FAM135B: variants seen among roughly 807,000 people sequenced by gnomAD.
FAM135B encodes the protein protein FAM135B.
A neutral mutation model predicts 127.7 loss-of-function variants in FAM135B; 43 were observed. That is an observed-to-expected ratio of 0.34 (90% CI 0.26 to 0.43). The LOEUF is 0.43. FAM135B is among the 20% of genes least tolerant of loss of function. The probability of loss-of-function intolerance (pLI) is 1.00; values close to 1 mark genes in which losing one functional copy is unlikely to be tolerated. For missense variants in FAM135B, 1,558 were observed against 1,725.6 expected (o/e 0.90, Z 1.72); for synonymous variants, 670 against 665.1 (o/e 1.01, Z -0.11).
chr8:138,202,089 C>T (rs1404953284), intron 7 of FAM135B, among the ~76,000 whole-genome samples: 1 of 136,032 alleles, frequency 7.4e-6, no homozygotes, highest in Non-Finnish European at 1.5e-5. Flanking sequence ...CACGCCATTG[C>T]ACTCCAGCCT....
intron 1 of FAM135B, among the ~76,000 whole-genome samples, chr8:138,389,987 C>T: frequency 6.6e-6 from 1 of 152,172 alleles, no homozygotes; most frequent in Non-Finnish European, 1.5e-5. Flanking sequence ...TTAATCATTA[C>T]ATGTGTATGT....
At chr8:138,257,135 T>C (rs1822156276) in intron 4 of FAM135B, among the ~76,000 whole-genome samples, 1 of 152,154 alleles carries the variant, frequency 6.6e-6, no homozygotes, top group South Asian at 2.1e-4. Flanking sequence ...AGCAGTGAAC[T>C]CGCAGTGAAA....
intron 6 of FAM135B, among the ~76,000 whole-genome samples, chr8:138,250,092 C>T (rs1022437602): frequency 1.3e-5 from 2 of 152,142 alleles, no homozygotes; most frequent in Non-Finnish European, 2.9e-5. Context: ...GTGGCTCACG[C>T]CTGTAATCCC....
rs568920712 is a variant in FAM135B at position 138,308,226 on chromosome 8, T to A, written c.157+2615A>T. 2.0e-5 allele frequency among the ~76,000 whole-genome samples: 3 copies of A among 152,282 alleles called. No individual in the cohort carries two copies. The East Asian group carries it at 5.8e-4, about 29-fold the overall frequency. ...GAGACAGAAGCCCAGCTGTCGCTCATCTGGTGCAGCCACTCCAACCAAGGG... is the reference window on the plus strand; with the variant it reads ...GAGACAGAAGCCCAGCTGTCGCTCAACTGGTGCAGCCACTCCAACCAAGGG... On this transcript the variant is annotated intron_variant, in intron 3 of 19. Coordinates refer to ENST00000395297, the MANE Select transcript of FAM135B (RefSeq NM_015912.4).
intron 2 of FAM135B, among the ~76,000 whole-genome samples, chr8:138,351,278 A>C (rs1237185299): frequency 6.6e-6 from 1 of 152,002 alleles, no homozygotes; most frequent in African/African-American, 2.4e-5. Flanking sequence ...AAAGCCCAAT[A>C]GAGTTAAAAC....
intron 4 of FAM135B, among the ~76,000 whole-genome samples, chr8:138,258,452 A>G (rs1218242542): frequency 6.6e-6 from 1 of 152,194 alleles, no homozygotes; most frequent in Non-Finnish European, 1.5e-5. Flanking sequence ...TTTGTTTTGC[A>G]TAATCATGAA....
intron 7 of FAM135B, among the ~76,000 whole-genome samples, chr8:138,206,902 C>T (rs933341472): frequency 1.8e-4 from 28 of 151,964 alleles, no homozygotes; most frequent in African/African-American, 6.3e-4. Context: ...TCCACCTACA[C>T]ACAACTTCAG....
At chr8:138,312,358 T>C (rs1826754099) in intron 2 of FAM135B, among the ~76,000 whole-genome samples, 1 of 152,118 alleles carries the variant, frequency 6.6e-6, no homozygotes, top group Admixed American at 6.5e-5. Context: ...TCTAACTGTA[T>C]ACAGAAAACA....
intron 1 of FAM135B, among the ~76,000 whole-genome samples, chr8:138,372,308 C>A (rs1038488668): frequency 1.3e-5 from 2 of 152,188 alleles, no homozygotes; most frequent in Admixed American, 1.3e-4. Flanking sequence ...CAGCTTACAC[C>A]TGCGTACAGA....
At chr8:138,401,503 A>G (rs1416437599) in intron 1 of FAM135B, among the ~76,000 whole-genome samples, 1 of 152,172 alleles carries the variant, frequency 6.6e-6, no homozygotes, top group Non-Finnish European at 1.5e-5. Flanking sequence ...TTTCCCAGTC[A>G]GTGACAGCCA....
At chr8:138,187,326 G>A (rs943862977) in intron 9 of FAM135B, among the ~76,000 whole-genome samples, 10 of 152,196 alleles carry the variant, frequency 6.6e-5, no homozygotes, top group South Asian at 4.1e-4. Flanking sequence ...ATGAAGCCAG[G>A]CTCCCTCCCT....
intron 15 of FAM135B, among the ~76,000 whole-genome samples, chr8:138,145,108 T>C (rs778780933): frequency 6.6e-6 from 1 of 152,052 alleles, no homozygotes; most frequent in Non-Finnish European, 1.5e-5. Flanking sequence ...TTGACCTCCT[T>C]GGGCTCATGT....
At chr8:138,495,364 A>G (rs561234188) in intron 1 of FAM135B, among the ~76,000 whole-genome samples, 1 of 152,184 alleles carries the variant, frequency 6.6e-6, no homozygotes, top group South Asian at 2.1e-4. Flanking sequence ...AATCTGGTCC[A>G]CTTTCCTCTA....
chr8:138,285,847 A>G (rs1195723521), intron 3 of FAM135B, among the ~76,000 whole-genome samples: 2 of 152,222 alleles, frequency 1.3e-5, no homozygotes, highest in Non-Finnish European at 2.9e-5. Context: ...GTGAAAGCAA[A>G]AGGTTCCTAA....
At chr8:138,397,517 A>C (rs996344772) in intron 1 of FAM135B, among the ~76,000 whole-genome samples, 5 of 152,190 alleles carry the variant, frequency 3.3e-5, no homozygotes, top group Admixed American at 6.5e-5. Flanking sequence ...TTCTCAGTTA[A>C]ATTTCATCTC....
chr8:138,386,423 C>T (rs1165438219), intron 1 of FAM135B, among the ~76,000 whole-genome samples: 1 of 152,018 alleles, frequency 6.6e-6, no homozygotes, highest in Non-Finnish European at 1.5e-5. Context: ...AGTTACGATG[C>T]CCCTAGCCAG....
rs138819672 is a variant in FAM135B, at chr8:138,319,456, A to T, written c.78-8536T>A. ...AGCCATCTCCTACTACCTGGGGTCA[A>T]GTAAGTTATCATAAAGAAAGGAGCA... On this transcript the variant is annotated intron_variant, in intron 2 of 19. Transcript: ENST00000395297. Among the ~76,000 whole-genome samples the T allele has an allele frequency of 7.9e-5, 12 of 152,304 alleles. No homozygotes were observed. The East Asian group carries it at 2.3e-3, about 29-fold the overall frequency.
At chr8:138,305,256 T>G (rs955279523) in intron 3 of FAM135B, among the ~76,000 whole-genome samples, 2 of 152,250 alleles carry the variant, frequency 1.3e-5, no homozygotes, top group Non-Finnish European at 2.9e-5. Context: ...TTTACTGTGC[T>G]ATCTTTTCTC....
intron 7 of FAM135B, among the ~76,000 whole-genome samples, chr8:138,222,678 G>GTTTTTT (rs33913656): frequency 5.4e-4 from 56 of 104,002 alleles, no homozygotes; most frequent in African/African-American, 1.8e-3. Context: ...TGTTGGTGGT[G>GTTTTTT]TTTTTTTTTT....
Sources: gnomAD v4.1 joint callset for allele counts (sites outside exome capture counted in the v4.1 genomes callset) on GRCh38, gnomAD v4.1.1 for gene constraint, MANE v1.5 for transcripts, NCBI Gene and HGNC (gene_info 2026-07-23, HGNC 2026-07-21) for gene names.